SLC9D1: variants seen among roughly 807,000 people sequenced by gnomAD.
The protein encoded by SLC9D1 is solute carrier family 9 member D1, also known as putative LAG1-interacting protein.
chr13:113,500,649 A>T, the SLC9D1 span, among the ~76,000 whole-genome samples: 4 of 152,190 alleles, frequency 2.6e-5, no homozygotes, highest in Non-Finnish European at 4.4e-5. Flanking sequence ...AGCTGAGAGC[A>T]TCATGGTTCG....
At chr13:113,544,403 G>T in the SLC9D1 span, among the ~76,000 whole-genome samples, 1 of 152,122 alleles carries the variant, frequency 6.6e-6, no homozygotes, top group South Asian at 2.1e-4. Context: ...ACGTGGCAGT[G>T]TGGCTCCGGC....
At chr13:113,501,617 G>C in the SLC9D1 span, 4 of 645,672 alleles carry the variant, frequency 6.2e-6, no homozygotes, top group Non-Finnish European at 1.1e-5. Context: ...GAGGAAAATC[G>C]GTGGTTTTGT....
chr13:113,548,421 G>A, the SLC9D1 span: 43 of 1,611,424 alleles, frequency 2.7e-5, no homozygotes, highest in African/African-American at 1.3e-4. Context: ...CTGGGGAGCC[G>A]GGCGCGAAGA....
chr13:113,492,033 A>G, the SLC9D1 span, among the ~76,000 whole-genome samples: 3 of 152,092 alleles, frequency 2.0e-5, no homozygotes, highest in African/African-American at 7.2e-5. Context: ...GTTGAGACAG[A>G]GTTTTGCTGT....
chr13:113,501,022 C>T, the SLC9D1 span, among the ~76,000 whole-genome samples: 1 of 152,150 alleles, frequency 6.6e-6, no homozygotes, highest in East Asian at 1.9e-4. Flanking sequence ...TCCTCACTGA[C>T]CTTCAGGGCT....
At chr13:113,523,507 T>G in the SLC9D1 span, among the ~76,000 whole-genome samples, 4 of 152,220 alleles carry the variant, frequency 2.6e-5, no homozygotes, top group African/African-American at 9.6e-5. Context: ...ATATCTTCTG[T>G]TTCATTGCTT....
At chr13:113,520,828 C>T in the SLC9D1 span, 2 of 904,990 alleles carry the variant, frequency 2.2e-6, no homozygotes, top group Admixed American at 3.8e-5. Flanking sequence ...ATGTTCTGAG[C>T]TCAGATGGCT....
chr13:113,496,072 G>T, the SLC9D1 span: 1 of 1,344,504 alleles, frequency 7.4e-7, no homozygotes, highest in Non-Finnish European at 1.0e-6. Flanking sequence ...GGGAGAGAGA[G>T]GTGAAGAGAG....
the SLC9D1 span, chr13:113,529,920 T>C: frequency 6.6e-6 from 1 of 152,264 alleles, no homozygotes; most frequent in African/African-American, 2.4e-5. Flanking sequence ...GAAAAACTTG[T>C]ACCTGAATGT....
the SLC9D1 span, among the ~76,000 whole-genome samples, chr13:113,509,729 A>G: frequency 6.6e-6 from 1 of 152,148 alleles, no homozygotes; most frequent in Admixed American, 6.5e-5. Flanking sequence ...ATTTATGTTT[A>G]TATGTCGGTA....
chr13:113,505,763 T>G, the SLC9D1 span: 1 of 152,264 alleles, frequency 6.6e-6, no homozygotes, highest in Non-Finnish European at 1.5e-5. Flanking sequence ...TGTGTTTACT[T>G]TCAGAAGTCA....
At chr13:113,528,701 T>TTA in the SLC9D1 span, 27 of 151,250 alleles carry the variant, frequency 1.8e-4, no homozygotes, top group East Asian at 2.9e-3. Flanking sequence ...TAGAGGGTCC[T>TTA]TGTGATAAGA....
chr13:113,526,853 C>G, the SLC9D1 span, among the ~76,000 whole-genome samples: 4 of 152,256 alleles, frequency 2.6e-5, no homozygotes, highest in Admixed American at 6.5e-5. Context: ...GCGCCCTGTA[C>G]AGGTGTGCCA....
At chr13:113,517,132 C>A in the SLC9D1 span, among the ~76,000 whole-genome samples, 3 of 152,044 alleles carry the variant, frequency 2.0e-5, no homozygotes, top group Admixed American at 2.0e-4. Flanking sequence ...TATGTGGGAC[C>A]AGGCAAGAGG....
the SLC9D1 span, among the ~76,000 whole-genome samples, chr13:113,498,053 G>A: frequency 8.5e-5 from 13 of 152,202 alleles, no homozygotes; most frequent in African/African-American, 3.1e-4. Context: ...AGTCACTGTT[G>A]AGTAAATGAG....
At chr13:113,528,224 T>C in the SLC9D1 span, 3 of 152,192 alleles carry the variant, frequency 2.0e-5, no homozygotes, top group African/African-American at 7.2e-5. Flanking sequence ...CGTTGTATCC[T>C]GGGTGGTTCG....
the SLC9D1 span, chr13:113,503,684 C>A: frequency 1.4e-6 from 1 of 711,312 alleles, no homozygotes; most frequent in South Asian, 1.7e-5. Flanking sequence ...AATTCACTAT[C>A]AAATGTTTTT....
chr13:113,509,384 T>G, the SLC9D1 span, among the ~76,000 whole-genome samples: 3 of 120,384 alleles, frequency 2.5e-5, 1 homozygote, highest in Admixed American at 1.7e-4. Flanking sequence ...GGTGGGTGGG[T>G]CCTCTGGAGC....
the SLC9D1 span, among the ~76,000 whole-genome samples, chr13:113,495,007 G>A: frequency 6.6e-6 from 1 of 152,126 alleles, no homozygotes; most frequent in African/African-American, 2.4e-5. Context: ...TGGGATTACA[G>A]GCGTGCGCCA....
Sources: gnomAD v4.1 joint callset for allele counts (sites outside exome capture counted in the v4.1 genomes callset) on GRCh38, gnomAD v4.1.1 for gene constraint, MANE v1.5 for transcripts, NCBI Gene and HGNC (gene_info 2026-07-23, HGNC 2026-07-21) for gene names.